DNAAF9: variants seen among roughly 807,000 people sequenced by gnomAD.
DNAAF9 encodes the protein shulin.
Under a neutral mutation model 167.0 loss-of-function variants are expected in DNAAF9, and 90 were observed. The ratio of observed to expected loss-of-function variants is 0.54; its 90% CI spans 0.45 to 0.64. The LOEUF (loss-of-function observed/expected upper bound fraction) is 0.64, where lower values mean the gene tolerates loss of function less well. DNAAF9 is among the 30% of genes least tolerant of loss of function. The pLI, the probability that DNAAF9 is intolerant of heterozygous loss-of-function variation, is 0.00. For synonymous variants in DNAAF9, 491 were observed against 508.8 expected (o/e 0.96, Z 0.47); for missense variants, 1,315 against 1,442.2 (o/e 0.91, Z 1.43).
chr20:3,303,385 A>C (rs139679846), intron 21 of DNAAF9, among the ~76,000 whole-genome samples: 57 of 152,272 alleles, frequency 3.7e-4, no homozygotes, highest in Middle Eastern at 3.4e-3. Flanking sequence ...GTGAAATTTA[A>C]ATATATTTAA....
chr20:3,303,820 C>T (rs1420784999), intron 21 of DNAAF9, among the ~76,000 whole-genome samples: 1 of 152,238 alleles, frequency 6.6e-6, no homozygotes, highest in Non-Finnish European at 1.5e-5. Context: ...AGGGGAAACC[C>T]ATAGCTACCA....
chr20:3,399,549 C>T (rs1021483048), intron 1 of DNAAF9, among the ~76,000 whole-genome samples: 2 of 152,100 alleles, frequency 1.3e-5, no homozygotes, highest in African/African-American at 4.8e-5. Flanking sequence ...TTATTTGTGG[C>T]AGCAATAGGT....
chr20:3,291,251 G>A (rs2068946820), intron 25 of DNAAF9, among the ~76,000 whole-genome samples: 1 of 152,134 alleles, frequency 6.6e-6, no homozygotes, highest in Admixed American at 6.5e-5. Flanking sequence ...ACTGAAAAAG[G>A]AGGCATCAGG....
intron 10 of DNAAF9, among the ~76,000 whole-genome samples, chr20:3,333,143 G>A (rs2069871452): frequency 6.6e-6 from 1 of 152,066 alleles, no homozygotes. Context: ...AGGAAAGGAT[G>A]GTGCTATCCA....
At chr20:3,286,846 T>C (rs1374843535) in intron 27 of DNAAF9, among the ~76,000 whole-genome samples, 6 of 152,224 alleles carry the variant, frequency 3.9e-5, no homozygotes, top group East Asian at 1.9e-4. Context: ...AAGCACTTTG[T>C]AAGAACTACC....
intron 12 of DNAAF9, among the ~76,000 whole-genome samples, chr20:3,329,196 C>G (rs576004260): frequency 1.4e-5 from 2 of 146,814 alleles, no homozygotes; most frequent in African/African-American, 5.2e-5. Flanking sequence ...GAGACAGGAA[C>G]TCACTCTGTC....
chr20:3,327,642 T>C (rs192489473), intron 12 of DNAAF9, among the ~76,000 whole-genome samples: 2 of 152,248 alleles, frequency 1.3e-5, no homozygotes, highest in African/African-American at 2.4e-5. Context: ...AATGATTTGG[T>C]CTAATCCTCT....
In DNAAF9 at chr20:3,340,537, G is replaced by A. The variant is rs2070060259; in HGVS notation, c.948C>T (p.Ser316=). The part of the protein sequence containing the change: ...NFPSEGHLVR[S]TGPGGSFAKH... ...TGGCAAAGCTCCCGCCGGGACCAGT[G>A]CTTCGTACCAGATGTCCTTCAGAAG... Residue 316 remains serine (S), a synonymous_variant, in exon 10 of 37, where the codon AGC becomes AGT. Transcript: ENST00000252032. 7 of 1,584,910 alleles carry A rather than the reference G, an allele frequency of 4.4e-6. No homozygotes were observed. Among genetic ancestry groups the A allele is most frequent in the Non-Finnish European group, 5.2e-6 (6 of 1,162,144 alleles).
At chr20:3,400,941 C>G (rs965470) in intron 1 of DNAAF9, among the ~76,000 whole-genome samples, 30,796 of 152,152 alleles carry the variant, frequency 0.2, 3,386 homozygotes, top group African/African-American at 0.27. Flanking sequence ...GGCACCACAC[C>G]AAGCCTTCCT....
At chr20:3,387,866 C>G (rs1013541494) in intron 1 of DNAAF9, among the ~76,000 whole-genome samples, 1 of 128,638 alleles carries the variant, frequency 7.8e-6, no homozygotes, top group African/African-American at 3.1e-5. Context: ...CACAGGGAGA[C>G]CCTGTCTCTA....
At chr20:3,345,920 C>T (rs574286156) in intron 8 of DNAAF9, among the ~76,000 whole-genome samples, 3 of 151,916 alleles carry the variant, frequency 2.0e-5, no homozygotes, top group South Asian at 4.2e-4. Flanking sequence ...GGCGACAGAG[C>T]GACACTCCAT....
chr20:3,282,797 C>T (rs1434993198), intron 27 of DNAAF9, among the ~76,000 whole-genome samples: 3 of 152,198 alleles, frequency 2.0e-5, no homozygotes, highest in Non-Finnish European at 4.4e-5. Context: ...CCTCAGGTAT[C>T]TGCATGGGTG....
chr20:3,302,288 T>C (rs2069203899), intron 21 of DNAAF9, among the ~76,000 whole-genome samples: 1 of 152,200 alleles, frequency 6.6e-6, no homozygotes, highest in African/African-American at 2.4e-5. Context: ...CACATATTTA[T>C]GGGGTATAAT....
intron 20 of DNAAF9, among the ~76,000 whole-genome samples, chr20:3,312,319 T>C (rs1479892927): frequency 6.6e-6 from 1 of 152,060 alleles, no homozygotes; most frequent in Non-Finnish European, 1.5e-5. Context: ...CTGTAAGTAA[T>C]TGCTGGGTGA....
At position 3,315,874 on chromosome 20, in the gene DNAAF9, A is replaced by T; in HGVS notation, c.1540-89T>A. 1.0e-6 allele frequency: 1 copy of T among 989,536 alleles called. No individual in the cohort carries two copies. The highest frequency in any genetic ancestry group is 1.6e-6 in the Non-Finnish European group (1 of 610,592). 61.3% of individuals were successfully genotyped at this position (989,536 alleles called of 1,614,324 possible). On this transcript the variant is annotated intron_variant, in intron 18 of 36. Transcript: ENST00000252032. The surrounding 1 kb of genome is among the most constrained non-coding windows in gnomAD (Gnocchi z 4.1). ...CCCACTGTGTTCAAATATTTCCAGGACACTGGCTGGACAGTCCTTCCACCA... is the reference window on the plus strand; with the variant it reads ...CCCACTGTGTTCAAATATTTCCAGGTCACTGGCTGGACAGTCCTTCCACCA...
At chr20:3,278,840 G>T in intron 29 of DNAAF9, 72 bp downstream of exon 29, 1 of 1,140,740 alleles carries the variant, frequency 8.8e-7, no homozygotes, top group Non-Finnish European at 1.3e-6. Context: ...GTAAGAGCAC[G>T]AAGAAAAGTC....
chr20:3,394,261 C>G (rs776216519), intron 1 of DNAAF9, among the ~76,000 whole-genome samples: 2 of 151,724 alleles, frequency 1.3e-5, no homozygotes, highest in African/African-American at 2.4e-5. Flanking sequence ...TCACTTGAAC[C>G]CAGGAGGCGG....
At chr20:3,363,399 G>A (rs1262980659) in intron 6 of DNAAF9, among the ~76,000 whole-genome samples, 1 of 151,788 alleles carries the variant, frequency 6.6e-6, no homozygotes, top group African/African-American at 2.4e-5. Flanking sequence ...AGGAGGCAGA[G>A]GTTGCGGTGA....
At position 3,343,798 on chromosome 20, in the gene DNAAF9, C is replaced by T. The variant is rs377116886; in HGVS notation, c.790-67G>A. Reference sequence around the variant, plus strand: ...GGTAAAACAGTCATAAAACCCCTCACATATGTATGTATGTACACACATGCT... The same window carrying T: ...GGTAAAACAGTCATAAAACCCCTCATATATGTATGTATGTACACACATGCT... On this transcript the variant is annotated intron_variant, in intron 8 of 36. Transcript: ENST00000252032. The T allele has an allele frequency of 6.7e-6, 8 of 1,192,734 alleles. No individual in the cohort carries two copies. The African/African-American group carries it at 1.1e-4, about 16-fold the overall frequency. The allele number at this position is 1,192,734 out of a possible 1,614,324, so 73.9% of individuals were successfully genotyped here. A position where few individuals can be genotyped will look rare whatever the true frequency, so the allele number is the denominator to read the frequency against.
Sources: gnomAD v4.1 joint callset for allele counts (sites outside exome capture counted in the v4.1 genomes callset) on GRCh38, gnomAD v4.1.1 for gene constraint, Gnocchi (gnomAD v3.1) non-coding constraint, MANE v1.5 for transcripts, NCBI Gene and HGNC (gene_info 2026-07-23, HGNC 2026-07-21) for gene names.